ATP8A2: variants seen among roughly 807,000 people sequenced by gnomAD.
The protein encoded by ATP8A2 is phospholipid-transporting ATPase IB.
Under a neutral mutation model 165.6 loss-of-function variants are expected in ATP8A2, and 100 were observed. That is an observed-to-expected ratio of 0.60 (90% confidence interval 0.51 to 0.71). ATP8A2 has a LOEUF of 0.71. ATP8A2 is among the 30% of genes least tolerant of loss of function. The pLI is 0.00. For synonymous variants in ATP8A2, 543 were observed against 548.8 expected (o/e 0.99, Z 0.15); for missense variants, 1,227 against 1,479.5 (o/e 0.83, Z 2.80).
intron 24 of ATP8A2, among the ~76,000 whole-genome samples, chr13:25,661,798 A>T (rs143192940): frequency 6.6e-6 from 1 of 152,282 alleles, no homozygotes; most frequent in Non-Finnish European, 1.5e-5. Flanking sequence ...ATTTGTTGTT[A>T]TATAAAGATT....
At chr13:25,713,339 AC>A (rs1242182914) in intron 25 of ATP8A2, among the ~76,000 whole-genome samples, 11 of 152,128 alleles carry the variant, frequency 7.2e-5, no homozygotes, top group African/African-American at 2.7e-4. Flanking sequence ...AGAATTTTTC[AC>A]CAGTTTATAT....
intron 2 of ATP8A2, among the ~76,000 whole-genome samples, chr13:25,510,419 G>C (rs1566200306): frequency 6.6e-6 from 1 of 152,228 alleles, no homozygotes; most frequent in Admixed American, 6.5e-5. Context: ...CTTAATAAGA[G>C]CAAATACGTT....
intron 25 of ATP8A2, among the ~76,000 whole-genome samples, chr13:25,709,378 T>C (rs765129205): frequency 1.8e-3 from 281 of 152,330 alleles, no homozygotes; most frequent in Non-Finnish European, 3.1e-3. Flanking sequence ...TCTTGTCTGT[T>C]TTAATGGATG....
chr13:25,414,186 GTTTT>G (rs10528594), intron 1 of ATP8A2, among the ~76,000 whole-genome samples: 3 of 119,090 alleles, frequency 2.5e-5, no homozygotes, highest in Admixed American at 1.7e-4. Context: ...GGGCTGTGGT[GTTTT>G]TTTTTTTTTT....
chr13:25,480,962 C>T lies in ATP8A2; in HGVS notation c.221+11841C>T, dbSNP rs927396006. Among the ~76,000 whole-genome samples, 5 of 152,218 alleles carry T rather than the reference C, an allele frequency of 3.3e-5. No homozygotes were observed. The South Asian group carries it at 6.2e-4, about 19-fold the overall frequency. ...CGCGGTTAGGAGCTGGAGACCAGCC[C>T]GGGCAACACAGCGAAACCCCGTCTC... On this transcript the variant is annotated intron_variant, in intron 2 of 36. Coordinates refer to ENST00000381655, the MANE Select transcript of ATP8A2 (RefSeq NM_016529.6).
At chr13:25,485,870 G>A (rs550197595) in intron 2 of ATP8A2, among the ~76,000 whole-genome samples, 2 of 152,258 alleles carry the variant, frequency 1.3e-5, no homozygotes, top group South Asian at 2.1e-4. Context: ...ATGTTGTTGG[G>A]TGTTCTATCA....
chr13:25,510,174 A>AACACACACACACACACACAC (rs57755000), intron 2 of ATP8A2, among the ~76,000 whole-genome samples: 1 of 128,494 alleles, frequency 7.8e-6, no homozygotes, highest in South Asian at 2.7e-4. Flanking sequence ...GTCTGTCTGT[A>AACACACACACACACACACAC]ACACACACAC....
chr13:25,686,931 A>T (rs1444920259), intron 24 of ATP8A2, among the ~76,000 whole-genome samples: 1 of 152,126 alleles, frequency 6.6e-6, no homozygotes, highest in African/African-American at 2.4e-5. Context: ...GTGTAAGCCC[A>T]TTGAGAGCTG....
At chr13:25,603,158 A>T (rs2040431080) in intron 24 of ATP8A2, among the ~76,000 whole-genome samples, 1 of 151,982 alleles carries the variant, frequency 6.6e-6, no homozygotes, top group South Asian at 2.1e-4. Context: ...TAATAGTCTT[A>T]TTGCTCTTTG....
chr13:25,624,839 TC>T (rs900513705), intron 24 of ATP8A2, among the ~76,000 whole-genome samples: 1 of 152,176 alleles, frequency 6.6e-6, no homozygotes, highest in Non-Finnish European at 1.5e-5. Flanking sequence ...CTATTTCAAC[TC>T]CTGTAAGTTT....
intron 28 of ATP8A2, among the ~76,000 whole-genome samples, chr13:25,830,035 G>A (rs1317733438): frequency 6.7e-6 from 1 of 150,094 alleles, no homozygotes; most frequent in Non-Finnish European, 1.5e-5. Flanking sequence ...TTGAGACTGG[G>A]TCTTGTTCTG....
chr13:25,429,341 G>T (rs1019243651), intron 1 of ATP8A2, among the ~76,000 whole-genome samples: 1 of 141,568 alleles, frequency 7.1e-6, no homozygotes, highest in Admixed American at 7.4e-5. Flanking sequence ...TTGCACTCCA[G>T]CCTGGGCCCA....
chr13:25,616,304 A>ATTTTC (rs2040821386), intron 24 of ATP8A2, among the ~76,000 whole-genome samples: 1 of 138,148 alleles, frequency 7.2e-6, no homozygotes, highest in African/African-American at 2.7e-5. Flanking sequence ...TGACCACTTA[A>ATTTTC]TTTTCTTTTC....
intron 33 of ATP8A2, among the ~76,000 whole-genome samples, chr13:25,946,347 G>C (rs973508092): frequency 6.6e-6 from 1 of 152,086 alleles, no homozygotes; most frequent in African/African-American, 2.4e-5. Context: ...AACACCCCAG[G>C]AAATCCACTG....
At chr13:25,523,891 C>T (rs756835173) in intron 2 of ATP8A2, among the ~76,000 whole-genome samples, 2 of 151,764 alleles carry the variant, frequency 1.3e-5, no homozygotes, top group Non-Finnish European at 2.9e-5. Flanking sequence ...TTCTTTTCTT[C>T]TACTAATTTT....
intron 12 of ATP8A2, 103 bp from the exon 13 acceptor site, chr13:25,554,888 G>T (rs2038934568): frequency 1.4e-6 from 1 of 735,366 alleles, no homozygotes; most frequent in South Asian, 2.1e-5. Flanking sequence ...AAAATAAAAG[G>T]GTTTTAGATT....
chr13:25,637,322 C>A (rs962778267), intron 24 of ATP8A2, among the ~76,000 whole-genome samples: 1 of 152,122 alleles, frequency 6.6e-6, no homozygotes, highest in African/African-American at 2.4e-5. Flanking sequence ...TCACCTCACC[C>A]AGGAAGCACA....
intron 1 of ATP8A2, among the ~76,000 whole-genome samples, chr13:25,448,350 T>A (rs1354161641): frequency 6.6e-6 from 1 of 152,218 alleles, no homozygotes; most frequent in Non-Finnish European, 1.5e-5. Context: ...GAGTTTTGGC[T>A]AATATTTGGA....
Position 25,802,505 on chromosome 13 carries a change from G to A in ATP8A2, c.2680-25613G>A, listed in dbSNP as rs1320186617. Among the ~76,000 whole-genome samples the A allele has an allele frequency of 2.0e-5, 3 of 152,154 alleles. No homozygotes were observed. The East Asian group carries it at 5.8e-4, about 29-fold the overall frequency. On this transcript the variant is annotated intron_variant, in intron 27 of 36. Transcript: ENST00000381655. ...AGCTTCATTTCTTACACAAAATATA[G>A]GAAGATGATACATGTTCACTGTGCT...
Sources: allele counts gnomAD v4.1 joint callset (sites outside exome capture counted in the v4.1 genomes callset), GRCh38; gene constraint gnomAD v4.1.1; transcripts MANE v1.5; gene names NCBI Gene and HGNC (gene_info 2026-07-23, HGNC 2026-07-21).